Variants in ASAP1 observed in about 807,000 individuals in gnomAD.
ASAP1 encodes the protein ArfGAP with SH3 domain, ankyrin repeat and PH domain 1.
A neutral mutation model predicts 145.2 loss-of-function variants in ASAP1; 43 were observed. That is an observed-to-expected ratio of 0.30 (90% CI 0.23 to 0.38). The LOEUF (loss-of-function observed/expected upper bound fraction) is 0.38. Ranked by LOEUF, ASAP1 falls within the 10% of genes least tolerant of loss-of-function variation. The pLI is 1.00. For missense variants in ASAP1, 1,018 were observed against 1,355.3 expected, an observed-to-expected ratio of 0.75 and a Z score of 3.91; for synonymous variants, 546 against 515.5, an observed-to-expected ratio of 1.06 and a Z score of -0.80.
intron 27 of ASAP1, among the ~76,000 whole-genome samples, chr8:130,066,887 G>A (rs2097432016): frequency 6.6e-6 from 1 of 152,178 alleles, no homozygotes; most frequent in African/African-American, 2.4e-5. Flanking sequence ...AAATTGTGAA[G>A]AGGCCCTGTT....
chr8:130,166,688 G>T (rs2097680497), intron 11 of ASAP1, among the ~76,000 whole-genome samples: 1 of 151,930 alleles, frequency 6.6e-6, no homozygotes, highest in South Asian at 2.1e-4. Context: ...TTAGTACCTA[G>T]AACTGTGCCT....
At chr8:130,279,632 T>C (rs1821134919) in intron 3 of ASAP1, among the ~76,000 whole-genome samples, 1 of 152,246 alleles carries the variant, frequency 6.6e-6, no homozygotes, top group South Asian at 2.1e-4. Context: ...AGTTCCTTCA[T>C]CTATAAAACA....
intron 13 of ASAP1, among the ~76,000 whole-genome samples, chr8:130,149,702 C>G (rs765871376): frequency 1.3e-5 from 2 of 152,160 alleles, no homozygotes; most frequent in Non-Finnish European, 2.9e-5. Context: ...TTCAAAGAAG[C>G]CCTTTATGTT....
At chr8:130,219,615 G>A (rs915863010) in intron 4 of ASAP1, among the ~76,000 whole-genome samples, 4 of 152,208 alleles carry the variant, frequency 2.6e-5, no homozygotes, top group Admixed American at 6.5e-5. Flanking sequence ...GCGAGTGCTA[G>A]AAGACTTTTG....
At chr8:130,309,568 C>T (rs971662962) in intron 3 of ASAP1, among the ~76,000 whole-genome samples, 1 of 152,150 alleles carries the variant, frequency 6.6e-6, no homozygotes, top group Non-Finnish European at 1.5e-5. Flanking sequence ...GTGACCAGGA[C>T]GGCCTTGTGG....
chr8:130,173,512 T>TA (rs1157116554), intron 9 of ASAP1, among the ~76,000 whole-genome samples: 6 of 152,156 alleles, frequency 3.9e-5, no homozygotes, highest in African/African-American at 1.4e-4. Flanking sequence ...ATGCCTGTAA[T>TA]ACCAGCACTT....
rs1435761415 is a variant in ASAP1 at position 130,251,877 on chromosome 8, T to C, written c.187-14883A>G. Among the ~76,000 whole-genome samples the C allele has an allele frequency of 3.3e-5, 5 of 152,196 alleles. No individual in the cohort carries two copies. The East Asian group carries it at 7.7e-4, about 23-fold the overall frequency. On this transcript the variant is annotated intron_variant, in intron 3 of 29. Coordinates refer to ENST00000518721, the MANE Select transcript of ASAP1 (RefSeq NM_018482.4). The stretch of plus-strand genomic sequence containing the variant: ...GCTGTAAGAAATAGAAAAAAGAAAT[T>C]TGGTGAATGGAGAGGCTTTGGAGAA...
chr8:130,433,888 A>G (rs1157997277), intron 1 of ASAP1, among the ~76,000 whole-genome samples: 1 of 152,252 alleles, frequency 6.6e-6, no homozygotes, highest in Non-Finnish European at 1.5e-5. Context: ...GGCTAAGAGA[A>G]AGGCTAAAAG....
At chr8:130,330,625 G>T (rs1411457258) in intron 3 of ASAP1, among the ~76,000 whole-genome samples, 2 of 152,232 alleles carry the variant, frequency 1.3e-5, no homozygotes, top group Non-Finnish European at 2.9e-5. Context: ...GCCTTCATGA[G>T]CATTTAAGGT....
chr8:130,318,464 T>G (rs992010416), intron 3 of ASAP1, among the ~76,000 whole-genome samples: 1 of 152,268 alleles, frequency 6.6e-6, no homozygotes, highest in Non-Finnish European at 1.5e-5. Flanking sequence ...TGGCAAGCAC[T>G]ACTATGTGCC....
chr8:130,055,924 A>G (rs373391941), intron 29 of ASAP1, among the ~76,000 whole-genome samples: 1 of 152,326 alleles, frequency 6.6e-6, no homozygotes, highest in African/African-American at 2.4e-5. Context: ...TGAATTTCAC[A>G]TCACAGTTAG....
intron 27 of ASAP1, among the ~76,000 whole-genome samples, chr8:130,075,579 TA>T (rs2097460476): frequency 6.6e-6 from 1 of 152,178 alleles, no homozygotes; most frequent in South Asian, 2.1e-4. Context: ...CTTGCAGGCT[TA>T]TAGAAGGATG....
At position 130,420,235 on chromosome 8, in the gene ASAP1, TACACACACACACACACACACAC is replaced by T. The variant is rs34138357; in HGVS notation, c.-27-18287_-27-18266del. The stretch of plus-strand genomic sequence containing the variant: ...ACCCACTAGGCTGGCCATAATGAAA[TACACACACACACACACACACAC>T]ACACACACACACACACACACACAAT... On this transcript the variant is annotated intron_variant, in intron 1 of 29. Coordinates refer to ENST00000518721, the MANE Select transcript of ASAP1 (RefSeq NM_018482.4). Among the ~76,000 whole-genome samples, 732 of 139,422 alleles carry T rather than the reference TACACACACACACACACACACAC, an allele frequency of 5.3e-3. 5 individuals carry two copies. Among genetic ancestry groups the T allele is most frequent in the African/African-American group, 0.019 (693 of 36,520 alleles). The allele number at this position is 139,422 out of a possible 152,430, so 91.5% of individuals were successfully genotyped here.
At position 130,060,162 on chromosome 8, in the gene ASAP1, C is replaced by T. The variant is rs1310492113; in HGVS notation, c.3192+417G>A. Among the ~76,000 whole-genome samples, 3 of 151,566 alleles carry T rather than the reference C, an allele frequency of 2.0e-5. No individual in the cohort carries two copies. The East Asian group carries it at 5.8e-4, about 29-fold the overall frequency. ...AGAGGGAAATTGGTTTCTCGTGACCCTCAGGAAAGGAAAAGTTTCATCCTC... is the reference window on the plus strand; with the variant it reads ...AGAGGGAAATTGGTTTCTCGTGACCTTCAGGAAAGGAAAAGTTTCATCCTC... On this transcript the variant is annotated intron_variant, in intron 28 of 29. Coordinates refer to ENST00000518721, the MANE Select transcript of ASAP1 (RefSeq NM_018482.4).
At chr8:130,151,370 C>CAAAAAAAAAAAAAAA (rs58367856) in intron 13 of ASAP1, among the ~76,000 whole-genome samples, 11 of 62,856 alleles carry the variant, frequency 1.8e-4, no homozygotes, top group African/African-American at 2.8e-4. Flanking sequence ...GACTCAGTCT[C>CAAAAAAAAAAAAAAA]AAAAAAAAAA....
chr8:130,187,197 T>TA (rs756652200), intron 7 of ASAP1, 39 bp downstream of exon 7: 1 of 1,562,788 alleles, frequency 6.4e-7, no homozygotes, highest in African/African-American at 1.4e-5. Flanking sequence ...ACAACAATAT[T>TA]AAAAAACAAA....
At chr8:130,386,912 C>A (rs1359030040) in intron 2 of ASAP1, 1 of 152,298 alleles carries the variant, frequency 6.6e-6, no homozygotes, top group Non-Finnish European at 1.5e-5. Context: ...TGGTTACCAA[C>A]GCTCAAGAAA....
chr8:130,365,664 G>T (rs955497102), intron 2 of ASAP1, among the ~76,000 whole-genome samples: 1 of 152,004 alleles, frequency 6.6e-6, no homozygotes, highest in Non-Finnish European at 1.5e-5. Flanking sequence ...CTTTTCAATG[G>T]TATCATTTTC....
intron 5 of ASAP1, among the ~76,000 whole-genome samples, chr8:130,197,246 G>A (rs536482163): frequency 6.6e-6 from 1 of 152,340 alleles, no homozygotes; most frequent in African/African-American, 2.4e-5. Flanking sequence ...TAGGCGACAT[G>A]GTGAAACCCT....
Sources: allele counts gnomAD v4.1 joint callset (sites outside exome capture counted in the v4.1 genomes callset), GRCh38; gene constraint gnomAD v4.1.1; transcripts MANE v1.5; gene names NCBI Gene and HGNC (gene_info 2026-07-23, HGNC 2026-07-21).